The following DGKB variants were observed in gnomAD, a reference collection of about 807,000 sequenced individuals.
DGKB encodes diacylglycerol kinase beta.
In DGKB, 67 loss-of-function variants were observed where a neutral mutation model predicts 114.3. The ratio of observed to expected loss-of-function variants is 0.59; its 90% confidence interval spans 0.48 to 0.72. DGKB has a LOEUF of 0.72. Ranked by LOEUF, DGKB falls within the 30% of genes least tolerant of loss-of-function variation. DGKB has a pLI of 0.00. For missense variants in DGKB, 907 were observed against 975.2 expected, an observed-to-expected ratio of 0.93 and a Z score of 0.93; for synonymous variants, 398 against 323.1, an observed-to-expected ratio of 1.23 and a Z score of -2.49.
At chr7:14,618,450 G>T (rs746747260) in intron 15 of DGKB, among the ~76,000 whole-genome samples, 16 of 151,500 alleles carry the variant, frequency 1.1e-4, no homozygotes, top group Non-Finnish European at 2.2e-4. Flanking sequence ...GAATATTTAG[G>T]AACAAGGTAA....
At chr7:14,734,244 T>G (rs1586084272) in intron 5 of DGKB, among the ~76,000 whole-genome samples, 1 of 151,998 alleles carries the variant, frequency 6.6e-6, no homozygotes, top group Non-Finnish European at 1.5e-5. Context: ...TTTCACCATG[T>G]TGGCCAGGCT....
At chr7:14,490,719 C>G (rs748289839) in intron 20 of DGKB, among the ~76,000 whole-genome samples, 1 of 152,120 alleles carries the variant, frequency 6.6e-6, no homozygotes, top group Non-Finnish European at 1.5e-5. Context: ...TTCCATAAAG[C>G]CAATTACGAT....
intron 9 of DGKB, among the ~76,000 whole-genome samples, chr7:14,688,514 A>G (rs1171125137): frequency 6.6e-6 from 1 of 152,218 alleles, no homozygotes; most frequent in African/African-American, 2.4e-5. Flanking sequence ...TGTGTTGTGT[A>G]ACATCCCAAT....
intron 23 of DGKB, among the ~76,000 whole-genome samples, chr7:14,257,521 A>G (rs908007486): frequency 6.6e-6 from 1 of 152,104 alleles, no homozygotes. Context: ...ACATGGTGGG[A>G]GGTAATTGAA....
chr7:14,827,152 C>T (rs888060042), intron 2 of DGKB, among the ~76,000 whole-genome samples: 1 of 152,088 alleles, frequency 6.6e-6, no homozygotes, highest in Non-Finnish European at 1.5e-5. Context: ...TTTCACCCAT[C>T]CTGTGTATTC....
At chr7:14,179,076 A>G (rs1183640086) in intron 23 of DGKB, among the ~76,000 whole-genome samples, 3 of 152,250 alleles carry the variant, frequency 2.0e-5, no homozygotes, top group African/African-American at 7.2e-5. Context: ...CATTTGATAA[A>G]TCAATCATAT....
chr7:14,844,606 G>C (rs1848387529), intron 1 of DGKB, among the ~76,000 whole-genome samples: 1 of 152,094 alleles, frequency 6.6e-6, no homozygotes, highest in Admixed American at 6.6e-5. Context: ...GCATTGTTGT[G>C]ATAGCTTCTT....
chr7:14,418,321 ATATATG>A (rs1826066319), intron 21 of DGKB, among the ~76,000 whole-genome samples: 1 of 141,012 alleles, frequency 7.1e-6, no homozygotes, highest in African/African-American at 2.6e-5. Flanking sequence ...ATATGTATGT[ATATATG>A]TATATATATA....
intron 13 of DGKB, among the ~76,000 whole-genome samples, chr7:14,660,318 C>G (rs1319756077): frequency 6.6e-6 from 1 of 151,580 alleles, no homozygotes; most frequent in African/African-American, 2.4e-5. Flanking sequence ...GTACCAGTTC[C>G]TCCTTGTACC....
chr7:14,396,853 A>G (rs1028340942), intron 21 of DGKB, among the ~76,000 whole-genome samples: 1 of 152,174 alleles, frequency 6.6e-6, no homozygotes, highest in Non-Finnish European at 1.5e-5. Context: ...ATCTCTGAAT[A>G]AAAGAGGCAG....
intron 20 of DGKB, among the ~76,000 whole-genome samples, chr7:14,540,127 C>G (rs187523879): frequency 6.6e-6 from 1 of 151,962 alleles, no homozygotes; most frequent in African/African-American, 2.4e-5. Context: ...TGATATTATG[C>G]CAGAATCAAT....
At chr7:14,460,530 G>C (rs756788631) in intron 21 of DGKB, among the ~76,000 whole-genome samples, 1 of 151,796 alleles carries the variant, frequency 6.6e-6, no homozygotes, top group Non-Finnish European at 1.5e-5. Flanking sequence ...AATGGTAAAG[G>C]AATCAATCCA....
chr7:14,694,283 A>C, intron 8 of DGKB, 89 bp from the exon 9 acceptor site: 1 of 1,170,316 alleles, frequency 8.5e-7, no homozygotes, highest in Non-Finnish European at 1.2e-6. Context: ...ACTAACAGCT[A>C]AGTGGAGAGT....
At chr7:14,913,937 A>G (rs1439596422) in intron 1 of DGKB, among the ~76,000 whole-genome samples, 13 of 152,140 alleles carry the variant, frequency 8.5e-5, no homozygotes, top group Non-Finnish European at 4.4e-5. Flanking sequence ...CACAGCCGAG[A>G]TCAGCTTACC....
chr7:14,199,468 A>T (rs536952560), intron 23 of DGKB, among the ~76,000 whole-genome samples: 18 of 152,178 alleles, frequency 1.2e-4, no homozygotes, highest in Non-Finnish European at 2.2e-4. Flanking sequence ...CATTTCCACC[A>T]TGAAATCAAA....
intron 20 of DGKB, among the ~76,000 whole-genome samples, chr7:14,538,413 T>C (rs1236871446): frequency 4.6e-5 from 7 of 152,116 alleles, no homozygotes; most frequent in African/African-American, 1.2e-4. Context: ...CTCAAGGAAA[T>C]GCAAATCAAA....
chr7:14,295,138 AG>A (rs950031909), intron 23 of DGKB, among the ~76,000 whole-genome samples: 29 of 152,286 alleles, frequency 1.9e-4, no homozygotes, highest in African/African-American at 6.7e-4. Context: ...TCTGGCACAT[AG>A]TAGGTTCTCT....
intron 20 of DGKB, among the ~76,000 whole-genome samples, chr7:14,540,260 C>T (rs1433935632): frequency 6.6e-6 from 1 of 152,056 alleles, no homozygotes; most frequent in Non-Finnish European, 1.5e-5. Flanking sequence ...TATAAAGATG[C>T]AATTTTAATG....
At chr7:14,647,291 C>T (rs1413903284) in intron 13 of DGKB, among the ~76,000 whole-genome samples, 1 of 151,976 alleles carries the variant, frequency 6.6e-6, no homozygotes, top group Non-Finnish European at 1.5e-5. Flanking sequence ...AGACCAATTA[C>T]AAGTAACAAG....
Sources: allele counts gnomAD v4.1 joint callset (sites outside exome capture counted in the v4.1 genomes callset), GRCh38; gene constraint gnomAD v4.1.1; transcripts MANE v1.5; gene names NCBI Gene and HGNC (gene_info 2026-07-23, HGNC 2026-07-21).